The following FRK variants were observed in gnomAD, a reference collection of about 807,000 sequenced individuals.
The protein encoded by FRK is tyrosine-protein kinase FRK.
A neutral mutation model predicts 56.4 loss-of-function variants in FRK; 51 were observed. The ratio of observed to expected loss-of-function variants is 0.90; its 90% CI spans 0.72 to 1.14. FRK has a LOEUF of 1.14. Ranked by LOEUF, FRK falls within the 50% of genes most tolerant of loss-of-function variation. The probability of loss-of-function intolerance (pLI) is 0.00; values close to 1 mark genes in which losing one functional copy is unlikely to be tolerated. For missense variants in FRK, 570 were observed against 601.4 expected (o/e 0.95, Z 0.55); for synonymous variants, 245 against 217.9 (o/e 1.12, Z -1.10).
At chr6:116,044,937 A>C (rs941110906) in intron 1 of FRK, among the ~76,000 whole-genome samples, 2 of 152,220 alleles carry the variant, frequency 1.3e-5, no homozygotes, top group Admixed American at 6.5e-5. Context: ...ATACACCAAT[A>C]ACAGACAAAC....
intron 2 of FRK, among the ~76,000 whole-genome samples, chr6:115,981,958 A>C (rs906056101): frequency 6.6e-6 from 1 of 152,066 alleles, no homozygotes; most frequent in African/African-American, 2.4e-5. Context: ...AGGATTAGAC[A>C]AAGGTTACTG....
chr6:115,948,306 A>G (rs1772548543), intron 5 of FRK, among the ~76,000 whole-genome samples: 1 of 152,172 alleles, frequency 6.6e-6, no homozygotes, highest in Admixed American at 6.5e-5. Context: ...GAGTGAGTTT[A>G]AAAGTGGATC....
the FRK span, among the ~76,000 whole-genome samples, chr6:116,085,713 GGTGTGTGTGT>G: frequency 6.7e-6 from 1 of 149,288 alleles, no homozygotes; most frequent in African/African-American, 2.4e-5. Context: ...TGTGTGTGTG[GGTGTGTGTGT>G]GTGTGTGTGC....
At chr6:115,976,516 C>G (rs1341698606) in intron 2 of FRK, among the ~76,000 whole-genome samples, 1 of 152,094 alleles carries the variant, frequency 6.6e-6, no homozygotes, top group Non-Finnish European at 1.5e-5. Flanking sequence ...TACAGAAAAA[C>G]AAATGGTTGA....
At chr6:116,052,298 G>T (rs959569807) in intron 1 of FRK, among the ~76,000 whole-genome samples, 1 of 151,948 alleles carries the variant, frequency 6.6e-6, no homozygotes, top group South Asian at 2.1e-4. Flanking sequence ...ATTGAGAAAT[G>T]AATAAAAAAT....
chr6:116,020,045 T>C (rs1775807048), intron 1 of FRK, among the ~76,000 whole-genome samples: 1 of 152,158 alleles, frequency 6.6e-6, no homozygotes, highest in African/African-American at 2.4e-5. Context: ...TAAATTATGA[T>C]CTTAAAGAAA....
At chr6:116,050,695 G>A (rs1234648842) in intron 1 of FRK, among the ~76,000 whole-genome samples, 1 of 152,182 alleles carries the variant, frequency 6.6e-6, no homozygotes, top group Admixed American at 6.6e-5. Flanking sequence ...ATTCTCTGGA[G>A]AAGAGTATTG....
At chr6:115,970,699 GC>G (rs1293017698) in intron 2 of FRK, among the ~76,000 whole-genome samples, 1 of 152,160 alleles carries the variant, frequency 6.6e-6, no homozygotes, top group Non-Finnish European at 1.5e-5. Context: ...AGGTCTGCAA[GC>G]CAGTCTACGC....
intron 2 of FRK, among the ~76,000 whole-genome samples, chr6:115,983,768 C>T (rs936892004): frequency 1.3e-5 from 2 of 152,108 alleles, no homozygotes; most frequent in African/African-American, 2.4e-5. Flanking sequence ...GTTTCAGTAG[C>T]TCATAGTCTG....
At chr6:115,956,741 A>G in intron 4 of FRK, 131 bp from the exon 5 acceptor site, 2 of 652,098 alleles carry the variant, frequency 3.1e-6, no homozygotes, top group Non-Finnish European at 2.4e-6. Context: ...ACAAATCTTC[A>G]GAGTTATCAA....
At chr6:115,956,418 C>A in intron 5 of FRK, 34 bp downstream of exon 5, 1 of 1,454,268 alleles carries the variant, frequency 6.9e-7, no homozygotes, top group East Asian at 2.4e-5. Flanking sequence ...AATTAAATTC[C>A]TCTTTTTTTC....
At chr6:115,973,824 T>C (rs994911342) in intron 2 of FRK, among the ~76,000 whole-genome samples, 2 of 151,130 alleles carry the variant, frequency 1.3e-5, no homozygotes, top group African/African-American at 2.4e-5. Context: ...TGAGCCAAGA[T>C]TGTGCCACTG....
chr6:115,966,158 CAT>C (rs1773567368), intron 4 of FRK, among the ~76,000 whole-genome samples: 1 of 146,726 alleles, frequency 6.8e-6, no homozygotes, highest in Non-Finnish European at 1.5e-5. Flanking sequence ...GAAAGGAAAA[CAT>C]AATTCTTCAC....
intron 1 of FRK, among the ~76,000 whole-genome samples, chr6:116,051,451 T>A (rs1320689432): frequency 1.3e-5 from 2 of 152,158 alleles, no homozygotes; most frequent in Non-Finnish European, 2.9e-5. Context: ...AGAAAGATAT[T>A]ACACAAGGGA....
intron 4 of FRK, among the ~76,000 whole-genome samples, chr6:115,956,890 C>A (rs1292454051): frequency 6.6e-6 from 1 of 152,168 alleles, no homozygotes; most frequent in Non-Finnish European, 1.5e-5. Context: ...AAAGGAGAGA[C>A]TGACAATCTA....
chr6:116,037,036 TG>T (rs1776511335), intron 1 of FRK, among the ~76,000 whole-genome samples: 1 of 152,180 alleles, frequency 6.6e-6, no homozygotes, highest in African/African-American at 2.4e-5. Context: ...TTTGTCCTAA[TG>T]GAGAATGTCA....
At chr6:115,952,202 T>C (rs1016378664) in intron 5 of FRK, among the ~76,000 whole-genome samples, 1 of 152,198 alleles carries the variant, frequency 6.6e-6, no homozygotes, top group Non-Finnish European at 1.5e-5. Flanking sequence ...ATCCCATTTG[T>C]CAATTTTGTC....
At chr6:115,959,346 G>A (rs1434337190) in intron 4 of FRK, among the ~76,000 whole-genome samples, 1 of 151,844 alleles carries the variant, frequency 6.6e-6, no homozygotes, top group East Asian at 1.9e-4. Context: ...TGACTTTTTT[G>A]TTGTCTTTTG....
intron 2 of FRK, among the ~76,000 whole-genome samples, chr6:115,981,312 G>T (rs1336917491): frequency 6.6e-6 from 1 of 151,974 alleles, no homozygotes; most frequent in African/African-American, 2.4e-5. Context: ...TTTAAAGATG[G>T]TTTAATTTTT....
Sources: allele counts gnomAD v4.1 joint callset (sites outside exome capture counted in the v4.1 genomes callset), GRCh38; gene constraint gnomAD v4.1.1; transcripts MANE v1.5; gene names NCBI Gene and HGNC (gene_info 2026-07-23, HGNC 2026-07-21).